The following SSBP3 variants were observed in gnomAD, a reference collection of about 807,000 sequenced individuals.
SSBP3 encodes the protein single-stranded DNA-binding protein 3.
Under a neutral mutation model 69.6 loss-of-function variants are expected in SSBP3, and 5 were observed. The observed-to-expected ratio is 0.07, with a 90% CI of 0.04 to 0.15. SSBP3 has a LOEUF of 0.15. Ranked by LOEUF, SSBP3 falls within the 10% of genes least tolerant of loss-of-function variation. The pLI is 1.00. For missense variants in SSBP3, 312 were observed against 534.0 expected (o/e 0.58, Z 4.10); for synonymous variants, 196 against 193.4 (o/e 1.01, Z -0.11).
intron 7 of SSBP3, chr1:54,255,572 T>A (rs1252080890): frequency 6.6e-6 from 1 of 152,184 alleles, no homozygotes; most frequent in East Asian, 1.9e-4. Context: ...CAGCTCACTT[T>A]GGGAAGTCAC....
chr1:54,306,230 T>G (rs1014964282), intron 4 of SSBP3, among the ~76,000 whole-genome samples: 1 of 151,696 alleles, frequency 6.6e-6, no homozygotes, highest in Non-Finnish European at 1.5e-5. Flanking sequence ...AAGGAGTGAG[T>G]GGATATTACA....
chr1:54,269,524 T>A (rs546995894), intron 5 of SSBP3, among the ~76,000 whole-genome samples: 32 of 152,254 alleles, frequency 2.1e-4, no homozygotes, highest in Non-Finnish European at 3.5e-4. Context: ...TTCCTTGGGA[T>A]TGGCTATTAC....
rs11206332 is a variant in SSBP3, at chr1:54,317,341, A to G, written c.277-35814T>C. Among the ~76,000 whole-genome samples, 434 of 152,336 alleles carry G rather than the reference A, an allele frequency of 2.8e-3. 5 individuals carry two copies. The highest frequency in any genetic ancestry group is 0.026 in the South Asian group (127 of 4,826). ...CGCTTGAGCACAGGAGTTTGAGACCAGTCTGGGCAACACAGTGAAAACTTG... is the reference window on the plus strand; with the variant it reads ...CGCTTGAGCACAGGAGTTTGAGACCGGTCTGGGCAACACAGTGAAAACTTG... On this transcript the variant is annotated intron_variant, in intron 4 of 17. Coordinates refer to ENST00000610401, the Ensembl canonical transcript of SSBP3.
intron 4 of SSBP3, among the ~76,000 whole-genome samples, chr1:54,340,445 C>T (rs1343785643): frequency 2.0e-5 from 3 of 152,206 alleles, no homozygotes; most frequent in Non-Finnish European, 4.4e-5. Context: ...ACCCATCTCC[C>T]CAAGTTGTGG....
chr1:54,301,226 G>A (rs542998618), intron 4 of SSBP3, among the ~76,000 whole-genome samples: 2 of 152,146 alleles, frequency 1.3e-5, no homozygotes, highest in African/African-American at 2.4e-5. Flanking sequence ...ACAGTTTTCC[G>A]CAACAGAAGC....
At chr1:54,233,697 C>T (rs1238464554) in intron 14 of SSBP3, among the ~76,000 whole-genome samples, 2 of 150,432 alleles carry the variant, frequency 1.3e-5, no homozygotes, top group African/African-American at 2.4e-5. Context: ...GCCAGCCGCC[C>T]CGTCTGGGAG....
intron 4 of SSBP3, among the ~76,000 whole-genome samples, chr1:54,395,142 G>T (rs1234912976): frequency 6.6e-6 from 1 of 151,676 alleles, no homozygotes; most frequent in African/African-American, 2.4e-5. Flanking sequence ...ACATACCAAA[G>T]AGAACAGTGC....
intron 9 of SSBP3, among the ~76,000 whole-genome samples, chr1:54,246,613 C>T (rs1201824042): frequency 6.6e-6 from 1 of 152,204 alleles, no homozygotes; most frequent in African/African-American, 2.4e-5. Flanking sequence ...CGCTCCTGAC[C>T]CTGCCTGGCC....
intron 6 of SSBP3, 124 bp downstream of exon 6, chr1:54,257,939 ATTTAAT>A (rs1644951231): frequency 2.4e-6 from 2 of 848,822 alleles, no homozygotes; most frequent in Non-Finnish European, 3.4e-6. Context: ...TTCTAAAAAA[ATTTAAT>A]TTGTCAATAA....
chr1:54,348,095 G>A (rs1646718402), intron 4 of SSBP3, among the ~76,000 whole-genome samples: 2 of 151,946 alleles, frequency 1.3e-5, no homozygotes, highest in South Asian at 2.1e-4. Flanking sequence ...AACACCATCC[G>A]GAGAGGTCAG....
upstream of SSBP3, among the ~76,000 whole-genome samples, chr1:54,406,890 C>G (rs868080074): frequency 3.3e-5 from 5 of 151,626 alleles, no homozygotes; most frequent in Non-Finnish European, 5.9e-5. Flanking sequence ...ATCTCGCCCT[C>G]CGCTCTTGGT....
chr1:54,326,153 GTAAT>G (rs1458406214), intron 4 of SSBP3, among the ~76,000 whole-genome samples: 1 of 152,152 alleles, frequency 6.6e-6, no homozygotes, highest in East Asian at 1.9e-4. Flanking sequence ...ATCGCAGTGG[GTAAT>G]TAGAGTCTCT....
At chr1:54,273,313 CACATGCGTGCACACAG>C (rs1207425396) in intron 5 of SSBP3, among the ~76,000 whole-genome samples, 2 of 152,196 alleles carry the variant, frequency 1.3e-5, no homozygotes, top group East Asian at 1.9e-4. Context: ...CAAACATATC[CACATGCGTGCACACAG>C]GCATGCGTGC....
At chr1:54,247,129 G>C (rs1324398699) in intron 9 of SSBP3, among the ~76,000 whole-genome samples, 1 of 152,230 alleles carries the variant, frequency 6.6e-6, no homozygotes, top group East Asian at 1.9e-4. Flanking sequence ...AGAAGGGACC[G>C]AGCAGCTGTC....
intron 4 of SSBP3, among the ~76,000 whole-genome samples, chr1:54,382,279 T>G (rs945973845): frequency 1.3e-5 from 2 of 152,242 alleles, no homozygotes; most frequent in Non-Finnish European, 2.9e-5. Flanking sequence ...CTCACTATGT[T>G]GCCCAGGCTG....
At chr1:54,281,268 T>C (rs1363047331) in intron 5 of SSBP3, among the ~76,000 whole-genome samples, 170 bp downstream of exon 5, 1 of 152,190 alleles carries the variant, frequency 6.6e-6, no homozygotes, top group East Asian at 1.9e-4. Context: ...TCTCAGCTTT[T>C]AGAAGGACTG....
chr1:54,241,714 C>T (rs1644641491), intron 11 of SSBP3, among the ~76,000 whole-genome samples: 1 of 152,238 alleles, frequency 6.6e-6, no homozygotes, highest in Non-Finnish European at 1.5e-5. Context: ...AGACCCTGGT[C>T]TCTTACTCCC....
At chr1:54,230,814 T>G (rs537583538) in intron 14 of SSBP3, among the ~76,000 whole-genome samples, 1 of 152,324 alleles carries the variant, frequency 6.6e-6, no homozygotes, top group South Asian at 2.1e-4. Flanking sequence ...GTTTTCAAGG[T>G]TCATCAGTGT....
chr1:54,310,614 T>A (rs1488934412), intron 4 of SSBP3, among the ~76,000 whole-genome samples: 2 of 151,990 alleles, frequency 1.3e-5, no homozygotes, highest in Admixed American at 1.3e-4. Context: ...CCTCACAGTT[T>A]TAATTGGGGT....
Sources: gnomAD v4.1 joint callset for allele counts (sites outside exome capture counted in the v4.1 genomes callset) on GRCh38, gnomAD v4.1.1 for gene constraint, MANE v1.5 for transcripts, NCBI Gene and HGNC (gene_info 2026-07-23, HGNC 2026-07-21) for gene names.